RAD52: variants seen among roughly 807,000 people sequenced by gnomAD.
RAD52 encodes the protein RAD52 DNA repair protein, also known as DNA repair protein RAD52 homolog.
In RAD52, 47 loss-of-function variants were observed where a neutral mutation model predicts 55.5. That is an observed-to-expected ratio of 0.85 (90% confidence interval 0.67 to 1.08). The LOEUF is 1.08. Ranked by LOEUF, RAD52 falls within the 50% of genes least tolerant of loss-of-function variation. RAD52 has a pLI of 0.00. For missense variants in RAD52, 468 were observed against 522.8 expected, an observed-to-expected ratio of 0.90 and a Z score of 1.02; for synonymous variants, 184 against 198.9, an observed-to-expected ratio of 0.92 and a Z score of 0.63.
chr12:973,874 C>T (rs940609747), intron 1 of RAD52, among the ~76,000 whole-genome samples: 5 of 148,872 alleles, frequency 3.4e-5, no homozygotes, highest in African/African-American at 1.2e-4. Flanking sequence ...GTAGCCTCAA[C>T]TCCTGGGCTC....
intron 3 of RAD52, among the ~76,000 whole-genome samples, chr12:930,544 G>A (rs1410010374): frequency 6.6e-6 from 1 of 151,152 alleles, no homozygotes; most frequent in Non-Finnish European, 1.5e-5. Context: ...TTTTATGGAA[G>A]ACCAAAAATA....
chr12:984,902 T>G (rs1026642659), intron 1 of RAD52, among the ~76,000 whole-genome samples: 1 of 152,154 alleles, frequency 6.6e-6, no homozygotes, highest in Non-Finnish European at 1.5e-5. Context: ...CCTGACCTTG[T>G]GATCTGCCCG....
At chr12:916,576 G>A (rs774676487) in intron 8 of RAD52, 63 bp downstream of exon 8, 23 of 1,597,614 alleles carry the variant, frequency 1.4e-5, no homozygotes, top group Middle Eastern at 1.7e-4. Flanking sequence ...GGAGGCCTGA[G>A]TGGAGGCAGC....
At chr12:913,815 T>C (rs1468371328) in intron 11 of RAD52, 79 bp downstream of exon 11, 1 of 1,304,936 alleles carries the variant, frequency 7.7e-7, no homozygotes, top group Non-Finnish European at 1.1e-6. Context: ...TTAAATGAAA[T>C]GTCATCCTTC....
intron 5 of RAD52, chr12:929,600 C>G (rs11571425): frequency 0.12 from 92,081 of 753,260 alleles, 6,261 homozygotes; most frequent in South Asian, 0.17. Flanking sequence ...ATGGTGAAAA[C>G]TTTTAGGTGT....
chr12:962,345 T>C (rs1251194882), intron 1 of RAD52, among the ~76,000 whole-genome samples: 2 of 147,324 alleles, frequency 1.4e-5, no homozygotes, highest in African/African-American at 2.5e-5. Context: ...TTTCTTTCCT[T>C]TTTTTTTTTT....
At position 935,816 on chromosome 12, in the gene RAD52, G is replaced by A. The variant is rs375224568; in HGVS notation, c.-18-2740C>T. Among the ~76,000 whole-genome samples, 10 of 151,450 alleles carry A rather than the reference G, an allele frequency of 6.6e-5. No individual in the cohort carries two copies. In the East Asian group the frequency reaches 2.0e-3, roughly 31 times the overall value. On this transcript the variant is annotated intron_variant, in intron 1 of 11. Coordinates refer to ENST00000358495, the MANE Select transcript of RAD52 (RefSeq NM_134424.4). Reference sequence around the variant, plus strand: ...TGCAGTGAGCCGAGATTGCGCCATTGCACTCCCGCCTGGGAAACAAGAGTG... The same window carrying A: ...TGCAGTGAGCCGAGATTGCGCCATTACACTCCCGCCTGGGAAACAAGAGTG...
intron 9 of RAD52, among the ~76,000 whole-genome samples, chr12:915,464 C>T (rs1749087070): frequency 6.6e-6 from 1 of 152,090 alleles, no homozygotes; most frequent in African/African-American, 2.4e-5. Flanking sequence ...GGCAAAAGCT[C>T]GATGGGTCTG....
chr12:916,491 A>G lies in RAD52; in HGVS notation c.726-8T>C, dbSNP rs778366854. ...GCGGATGAGCTCAGGCTTCTGCATG[A>G]GAGGGCGGCGGCGAGGACGGGCTCC... is the stretch of plus-strand genomic sequence containing the variant. On this transcript the variant is annotated splice_region_variant and splice_polypyrimidine_tract_variant and intron_variant, in intron 8 of 11. Coordinates refer to ENST00000358495, the MANE Select transcript of RAD52 (RefSeq NM_134424.4). 2 of 1,606,864 alleles carry G rather than the reference A, an allele frequency of 1.2e-6. No homozygotes were observed. Among genetic ancestry groups the G allele is most frequent in the Non-Finnish European group, 1.7e-6 (2 of 1,178,990 alleles).
At chr12:981,484 T>C (rs1180279910) in intron 1 of RAD52, among the ~76,000 whole-genome samples, 1 of 152,188 alleles carries the variant, frequency 6.6e-6, no homozygotes, top group Non-Finnish European at 1.5e-5. Context: ...GCCAGTTATG[T>C]ACTTCCTGAG....
chr12:914,595 C>T (rs951495943), intron 9 of RAD52, 63 bp from the exon 10 acceptor site: 167 of 1,592,810 alleles, frequency 1.0e-4, no homozygotes, highest in Middle Eastern at 2.3e-4. Flanking sequence ...GATTTCAGAG[C>T]GTGGGTCCAC....
rs773154645 is a variant in RAD52, at chr12:914,071, C to T, written c.1018G>A (p.Asp340Asn). The change falls in exon 11 of 12, where the codon GAT (aspartate) becomes AAT (asparagine). Residue 340 changes from aspartate to asparagine, a missense_variant. Transcript: ENST00000358495. ...EKWAVTPDAG[D>N]GVVKPSSRAD... is the part of the protein sequence containing the mutation. ...CTAGACGAGGGCTTGACCACACCATCCCCTGCATCGGGAGTCACAGCCCAC... is the reference window on the plus strand; with the variant it reads ...CTAGACGAGGGCTTGACCACACCATTCCCTGCATCGGGAGTCACAGCCCAC... 2 of 1,614,178 alleles carry T rather than the reference C, an allele frequency of 1.2e-6. No homozygotes were observed. The highest frequency in any genetic ancestry group is 2.2e-5 in the South Asian group (2 of 91,084).
Position 933,025 on chromosome 12 carries a change from G to A in RAD52, c.34C>T (p.Arg12Cys), listed in dbSNP as rs766945254. ...SGTEEAILGG[R>C]DSHPAAGGGS... is the part of the protein sequence containing the mutation. The stretch of plus-strand genomic sequence containing the variant: ...CCGCCAGCAGCAGGATGGCTGTCAC[G>A]TCCTCCAAGAATTGCTTCCTCAGTC... The change falls in exon 2 of 12, where the codon CGT (arginine) becomes TGT (cysteine). Residue 12 changes from arginine to cysteine, a missense_variant. By Grantham distance (180) the Arg-to-Cys change is radical. Coordinates refer to ENST00000358495, the MANE Select transcript of RAD52 (RefSeq NM_134424.4). 32 of 1,613,676 alleles carry A rather than the reference G, an allele frequency of 2.0e-5. No homozygotes were observed. The African/African-American group carries it at 2.0e-4, about 10-fold the overall frequency.
chr12:943,302 C>T (rs928744019), intron 1 of RAD52, among the ~76,000 whole-genome samples: 2 of 152,342 alleles, frequency 1.3e-5, no homozygotes, highest in African/African-American at 2.4e-5. Flanking sequence ...CGGAGCCACA[C>T]GTCCAGGGAG....
At chr12:970,801 T>C (rs550082390) in intron 1 of RAD52, among the ~76,000 whole-genome samples, 50 of 152,218 alleles carry the variant, frequency 3.3e-4, no homozygotes, top group East Asian at 9.6e-4. Flanking sequence ...TTGGGTAGGG[T>C]ATCACAGCAA....
At chr12:980,267 C>T (rs946956709) in intron 1 of RAD52, among the ~76,000 whole-genome samples, 7 of 149,688 alleles carry the variant, frequency 4.7e-5, no homozygotes, top group African/African-American at 1.7e-4. Context: ...ATGTGATTTG[C>T]AAAATGTCTC....
At chr12:943,593 C>G (rs960037472) in intron 1 of RAD52, among the ~76,000 whole-genome samples, 1 of 152,146 alleles carries the variant, frequency 6.6e-6, no homozygotes, top group African/African-American at 2.4e-5. Context: ...AAGTGATCCC[C>G]CCGCCTCGGC....
chr12:955,596 C>T (rs1387807788), intron 1 of RAD52, among the ~76,000 whole-genome samples: 1 of 151,922 alleles, frequency 6.6e-6, no homozygotes, highest in Admixed American at 6.6e-5. Flanking sequence ...GCCTCAGCCT[C>T]CCGAGTAACT....
Position 913,395 on chromosome 12 carries a change from G to C in RAD52, c.1253C>G (p.Ser418Cys), listed in dbSNP as rs773047046. 2 of 1,603,888 alleles carry C rather than the reference G, an allele frequency of 1.2e-6. No individual in the cohort carries two copies. Among genetic ancestry groups the C allele is most frequent in the South Asian group, 2.2e-5 (2 of 90,804 alleles). ...ATTATGTGGCCTGAGCCTCAGTTAA[G>C]ATGGATCATATTTCCTTTTCTTCAT... ...QDMKKRKYDP[S>C] The change falls in exon 12 of 12, where the codon TCT becomes TGT. Residue 418 changes from serine (S) to cysteine (C), a missense_variant. By Grantham distance (112) the Ser-to-Cys change is moderately radical. Coordinates refer to ENST00000358495, the MANE Select transcript of RAD52 (RefSeq NM_134424.4).
Sources: allele counts gnomAD v4.1 joint callset (sites outside exome capture counted in the v4.1 genomes callset), GRCh38; gene constraint gnomAD v4.1.1; transcripts MANE v1.5; gene names NCBI Gene and HGNC (gene_info 2026-07-23, HGNC 2026-07-21).